Variants in NDUFS4 observed in about 807,000 individuals in gnomAD.
NDUFS4 encodes the protein NADH:ubiquinone oxidoreductase subunit S4.
In NDUFS4, 28 loss-of-function variants were observed where a neutral mutation model predicts 24.3. That is an observed-to-expected ratio of 1.15 (90% CI 0.85 to 1.58). NDUFS4 has a LOEUF of 1.58. Among genes scored for constraint, NDUFS4 ranks in the 40% most tolerant of loss-of-function variants. The pLI, the probability that NDUFS4 is intolerant of heterozygous loss-of-function variation, is 0.00. For synonymous variants in NDUFS4, 93 were observed against 69.7 expected, an observed-to-expected ratio of 1.34 and a Z score of -1.67; for missense variants, 223 against 207.9, an observed-to-expected ratio of 1.07 and a Z score of -0.45.
intron 1 of NDUFS4, among the ~76,000 whole-genome samples, chr5:53,575,678 AT>A (rs149062449): frequency 0.16 from 24,879 of 151,546 alleles, 2,269 homozygotes; most frequent in Non-Finnish European, 0.21. Context: ...AGTAGCTGGA[AT>A]TGCAGGTGTG....
intron 1 of NDUFS4, among the ~76,000 whole-genome samples, chr5:53,586,873 G>C (rs1375743888): frequency 6.6e-6 from 1 of 151,994 alleles, no homozygotes; most frequent in Non-Finnish European, 1.5e-5. Context: ...ACTGAGGCAG[G>C]AGTGCATTGG....
chr5:53,563,079 A>G (rs1748904185), intron 1 of NDUFS4, among the ~76,000 whole-genome samples: 1 of 152,040 alleles, frequency 6.6e-6, no homozygotes. Flanking sequence ...AATACAAAAA[A>G]TTAGCCAGGC....
At chr5:53,650,268 G>A (rs1188269915) in intron 3 of NDUFS4, among the ~76,000 whole-genome samples, 1 of 152,104 alleles carries the variant, frequency 6.6e-6, no homozygotes, top group Non-Finnish European at 1.5e-5. Flanking sequence ...ACATTTGAGT[G>A]GTATAGAGGA....
intron 4 of NDUFS4, among the ~76,000 whole-genome samples, chr5:53,661,453 C>G (rs1336452799): frequency 6.6e-6 from 1 of 152,124 alleles, no homozygotes; most frequent in Non-Finnish European, 1.5e-5. Flanking sequence ...CAGCTTTGTT[C>G]TTTTGGCTTA....
chr5:53,571,089 A>C (rs1479040851), intron 1 of NDUFS4, among the ~76,000 whole-genome samples: 1 of 152,158 alleles, frequency 6.6e-6, no homozygotes, highest in Non-Finnish European at 1.5e-5. Flanking sequence ...TATAAAATTT[A>C]CTCATATAAA....
At chr5:53,578,126 A>G (rs147586354) in intron 1 of NDUFS4, among the ~76,000 whole-genome samples, 3 of 152,356 alleles carry the variant, frequency 2.0e-5, no homozygotes, top group East Asian at 3.9e-4. Context: ...AGTTCGTACT[A>G]GAATGGATAC....
intron 1 of NDUFS4, among the ~76,000 whole-genome samples, chr5:53,594,515 T>C (rs1252873892): frequency 6.6e-6 from 1 of 152,138 alleles, no homozygotes; most frequent in Non-Finnish European, 1.5e-5. Flanking sequence ...ATTTAGACTA[T>C]TTGCATTTAA....
At chr5:53,596,325 C>A (rs1267224600) in intron 1 of NDUFS4, among the ~76,000 whole-genome samples, 1 of 151,992 alleles carries the variant, frequency 6.6e-6, no homozygotes, top group East Asian at 1.9e-4. Context: ...TCCAGCTACT[C>A]AGGAGGCTGA....
intron 1 of NDUFS4, among the ~76,000 whole-genome samples, chr5:53,576,644 G>T (rs1749395402): frequency 6.6e-6 from 1 of 152,026 alleles, no homozygotes; most frequent in African/African-American, 2.4e-5. Flanking sequence ...AATACTCAAT[G>T]TTTGTAATTC....
At chr5:53,600,317 A>G (rs1750271423) in intron 1 of NDUFS4, among the ~76,000 whole-genome samples, 1 of 134,742 alleles carries the variant, frequency 7.4e-6, no homozygotes, top group African/African-American at 2.8e-5. Context: ...TTTTTTGTTT[A>G]TTCATTTTTT....
At chr5:53,630,173 A>T (rs1751366643) in intron 2 of NDUFS4, among the ~76,000 whole-genome samples, 1 of 152,168 alleles carries the variant, frequency 6.6e-6, no homozygotes, top group African/African-American at 2.4e-5. Flanking sequence ...TTCTGGGTTG[A>T]AAGTTCTTTT....
At chr5:53,611,290 T>C (rs1750688440) in intron 2 of NDUFS4, among the ~76,000 whole-genome samples, 1 of 151,828 alleles carries the variant, frequency 6.6e-6, no homozygotes, top group South Asian at 2.1e-4. Flanking sequence ...AAAGGAAAAG[T>C]CTGCTTAGCA....
At chr5:53,646,464 T>G (rs1383020098) in intron 3 of NDUFS4, 59 bp downstream of exon 3, 12 of 1,559,350 alleles carry the variant, frequency 7.7e-6, no homozygotes, top group Admixed American at 1.7e-5. Flanking sequence ...TAGATCTTTC[T>G]TCTAAATATG....
chr5:53,610,541 T>TA (rs56018812), intron 2 of NDUFS4, among the ~76,000 whole-genome samples: 15 of 150,096 alleles, frequency 1.0e-4, no homozygotes, highest in East Asian at 9.8e-4. Context: ...AACAAAAACA[T>TA]AAAAAAACAA....
intron 4 of NDUFS4, among the ~76,000 whole-genome samples, chr5:53,680,330 T>C (rs1740620074): frequency 6.6e-6 from 1 of 152,146 alleles, no homozygotes; most frequent in Non-Finnish European, 1.5e-5. Flanking sequence ...GACCCAGCCA[T>C]CCCATTACTG....
intron 2 of NDUFS4, among the ~76,000 whole-genome samples, chr5:53,626,394 C>T (rs1751227274): frequency 6.6e-6 from 1 of 151,716 alleles, no homozygotes; most frequent in Non-Finnish European, 1.5e-5. Context: ...CTTTGGGTAC[C>T]CAGTAATGGG....
At position 53,620,857 on chromosome 5, in the gene NDUFS4, T is replaced by TA. The variant is rs200035655; in HGVS notation, c.177+17328dup. Among the ~76,000 whole-genome samples, 1,113 of 152,306 alleles carry TA rather than the reference T, an allele frequency of 7.3e-3. 14 individuals are homozygous for TA. Among genetic ancestry groups the TA allele is most frequent in the African/African-American group, 0.026 (1,062 of 41,568 alleles). Reference sequence around the variant, plus strand: ...GATTTCTTGAGACTTTTTTATCGCCTAGTGTATGGTCTGTCTTGATTAATG... The same window carrying TA: ...GATTTCTTGAGACTTTTTTATCGCCTAAGTGTATGGTCTGTCTTGATTAATG... On this transcript the variant is annotated intron_variant, in intron 2 of 4. Coordinates refer to ENST00000296684, the MANE Select transcript of NDUFS4 (RefSeq NM_002495.4).
intron 1 of NDUFS4, among the ~76,000 whole-genome samples, chr5:53,571,974 G>T (rs1749223688): frequency 6.6e-6 from 1 of 152,098 alleles, no homozygotes; most frequent in South Asian, 2.1e-4. Flanking sequence ...GTTCATGGTT[G>T]AGCCCCCTAC....
Position 53,560,736 on chromosome 5 carries a change from T to C in NDUFS4, c.74T>C (p.Leu25Pro), listed in dbSNP as rs759375065. The change falls in exon 1 of 5, where the codon CTT becomes CCT. Residue 25 changes from leucine (L) to proline (P), a missense_variant. Physicochemically the swap from Leu to Pro is moderately conservative, Grantham distance 98 (BLOSUM62 -3). Transcript: ENST00000296684. ...WRRRAVAVAALSVSRVPTRSL... is the reference protein window; with the variant it reads ...WRRRAVAVAAPSVSRVPTRSL... Reference sequence around the variant, plus strand: ...AGAAGGGCAGTGGCTGTAGCTGCCCTTTCCGTTTCCAGGGTTCCGACCAGG... The same window carrying C: ...AGAAGGGCAGTGGCTGTAGCTGCCCCTTCCGTTTCCAGGGTTCCGACCAGG... The C allele has an allele frequency of 1.9e-6, 3 of 1,614,218 alleles. No individual in the cohort carries two copies. The highest frequency in any genetic ancestry group is 1.1e-5 in the South Asian group (1 of 91,082).
Sources: allele counts gnomAD v4.1 joint callset (sites outside exome capture counted in the v4.1 genomes callset), GRCh38; gene constraint gnomAD v4.1.1; transcripts MANE v1.5; gene names NCBI Gene and HGNC (gene_info 2026-07-23, HGNC 2026-07-21).